FSTL4: variants seen among roughly 807,000 people sequenced by gnomAD.
The protein encoded by FSTL4 is follistatin-related protein 4.
In FSTL4, 28 loss-of-function variants were observed where a neutral mutation model predicts 78.2. The observed-to-expected ratio is 0.36, with a 90% CI of 0.27 to 0.49. The LOEUF (loss-of-function observed/expected upper bound fraction) is 0.49, where lower values mean the gene tolerates loss of function less well. Among genes scored for constraint, FSTL4 ranks in the 20% least tolerant of loss-of-function variants. FSTL4 has a pLI of 0.98. For synonymous variants in FSTL4, 422 were observed against 440.5 expected (o/e 0.96, Z 0.53); for missense variants, 922 against 1,084.9 (o/e 0.85, Z 2.11).
chr5:133,439,921 T>C (rs1757115376), intron 3 of FSTL4, among the ~76,000 whole-genome samples: 1 of 152,270 alleles, frequency 6.6e-6, no homozygotes, highest in East Asian at 1.9e-4. Flanking sequence ...GTAGTAGGCA[T>C]TGTTTTATTC....
At chr5:133,666,824 A>G in the FSTL4 span, among the ~76,000 whole-genome samples, 2 of 152,188 alleles carry the variant, frequency 1.3e-5, 1 homozygote, top group South Asian at 4.1e-4. Context: ...TCCCATGTTG[A>G]AAAAGGTTTC....
the FSTL4 span, among the ~76,000 whole-genome samples, chr5:133,675,043 C>T: frequency 1.2e-4 from 18 of 151,936 alleles, no homozygotes; most frequent in African/African-American, 2.4e-4. Flanking sequence ...AAAATCAGGT[C>T]GTGATTTGTT....
chr5:133,763,874 C>A, the FSTL4 span, among the ~76,000 whole-genome samples: 3 of 152,188 alleles, frequency 2.0e-5, no homozygotes, highest in African/African-American at 7.2e-5. Flanking sequence ...CAGCCCCTGG[C>A]AATACTTCTG....
At chr5:133,471,292 A>G (rs1026543670) in intron 3 of FSTL4, among the ~76,000 whole-genome samples, 2 of 152,184 alleles carry the variant, frequency 1.3e-5, no homozygotes, top group Non-Finnish European at 2.9e-5. Context: ...TAGAAACTGG[A>G]GATAAGTGAG....
the FSTL4 span, among the ~76,000 whole-genome samples, chr5:133,722,573 T>A: frequency 6.6e-6 from 1 of 152,188 alleles, no homozygotes; most frequent in Admixed American, 6.5e-5. Flanking sequence ...TATGTGGAAT[T>A]CTCTTTCAGA....
chr5:133,217,096 T>G (rs1750932133), intron 13 of FSTL4, 133 bp downstream of exon 13: 1 of 667,330 alleles, frequency 1.5e-6, no homozygotes, highest in Admixed American at 2.7e-5. Context: ...CACGAATAAT[T>G]ACACATGAAT....
the FSTL4 span, among the ~76,000 whole-genome samples, chr5:133,679,522 G>C: frequency 1.3e-5 from 2 of 152,072 alleles, no homozygotes; most frequent in African/African-American, 4.8e-5. Flanking sequence ...CTCCTGAAAG[G>C]CCTCAGAAGG....
At chr5:133,388,893 C>T (rs1424598752) in intron 4 of FSTL4, among the ~76,000 whole-genome samples, 1 of 151,878 alleles carries the variant, frequency 6.6e-6, no homozygotes, top group Non-Finnish European at 1.5e-5. Context: ...GAGCGGTTTT[C>T]AAGTTTGTTC....
chr5:133,631,181 C>A, the FSTL4 span, among the ~76,000 whole-genome samples: 1 of 151,830 alleles, frequency 6.6e-6, no homozygotes, highest in South Asian at 2.1e-4. Context: ...TTCTGCACAG[C>A]AAAAGAAACT....
chr5:133,814,323 C>T, the FSTL4 span, among the ~76,000 whole-genome samples: 2 of 152,296 alleles, frequency 1.3e-5, no homozygotes, highest in East Asian at 1.9e-4. Flanking sequence ...TGTGAAAAGC[C>T]GTCTTCCAGT....
At chr5:133,831,007 C>T in the FSTL4 span, among the ~76,000 whole-genome samples, 1 of 152,180 alleles carries the variant, frequency 6.6e-6, no homozygotes, top group Admixed American at 6.5e-5. Context: ...TGTTCACTAC[C>T]TGTCAGAGTG....
At chr5:133,547,526 T>C (rs980459301) in intron 3 of FSTL4, among the ~76,000 whole-genome samples, 1 of 152,152 alleles carries the variant, frequency 6.6e-6, no homozygotes, top group African/African-American at 2.4e-5. Context: ...TGTGGTGGTG[T>C]TGGGAGATGG....
chr5:133,697,632 G>T, the FSTL4 span, among the ~76,000 whole-genome samples: 1 of 152,102 alleles, frequency 6.6e-6, no homozygotes, highest in Non-Finnish European at 1.5e-5. Flanking sequence ...ATCTGAAATG[G>T]GCCCCTTCTG....
At chr5:133,828,149 G>A in the FSTL4 span, among the ~76,000 whole-genome samples, 1 of 152,130 alleles carries the variant, frequency 6.6e-6, no homozygotes, top group Non-Finnish European at 1.5e-5. Flanking sequence ...ATTCCCTAGG[G>A]GAGGACAAGG....
intron 8 of FSTL4, among the ~76,000 whole-genome samples, chr5:133,229,501 C>A (rs1330837430): frequency 6.6e-6 from 1 of 151,152 alleles, no homozygotes; most frequent in Non-Finnish European, 1.5e-5. Context: ...CCAACCTGGG[C>A]AACTGAGGGA....
the FSTL4 span, among the ~76,000 whole-genome samples, chr5:133,789,737 G>T: frequency 1.4e-4 from 21 of 152,260 alleles, no homozygotes; most frequent in African/African-American, 4.8e-4. Context: ...TTTCTGTCAA[G>T]GGCATTCATC....
chr5:133,621,099 C>A, the FSTL4 span, among the ~76,000 whole-genome samples: 1 of 152,074 alleles, frequency 6.6e-6, no homozygotes, highest in African/African-American at 2.4e-5. Flanking sequence ...GCCATAAAAA[C>A]GAATGAATTA....
intron 3 of FSTL4, among the ~76,000 whole-genome samples, chr5:133,536,087 G>T (rs1046975610): frequency 1.3e-5 from 2 of 152,174 alleles, no homozygotes; most frequent in Non-Finnish European, 2.9e-5. Flanking sequence ...GTGAATGAAT[G>T]AATGAACTGA....
the FSTL4 span, among the ~76,000 whole-genome samples, chr5:133,689,036 TG>T: frequency 0.027 from 4,067 of 152,184 alleles, 187 homozygotes; most frequent in African/African-American, 0.093. Context: ...TGTCATTGCT[TG>T]GGTCCCCAAG....
Sources: gnomAD v4.1 joint callset for allele counts (sites outside exome capture counted in the v4.1 genomes callset) on GRCh38, gnomAD v4.1.1 for gene constraint, MANE v1.5 for transcripts, NCBI Gene and HGNC (gene_info 2026-07-23, HGNC 2026-07-21) for gene names.